Variants in UBE4B observed in about 807,000 individuals in gnomAD.
UBE4B encodes the protein ubiquitin conjugation factor E4 B.
Under a neutral mutation model 148.1 loss-of-function variants are expected in UBE4B, and 27 were observed. The observed-to-expected ratio is 0.18, with a 90% CI of 0.13 to 0.25. UBE4B has a LOEUF of 0.25. UBE4B is among the 10% of genes least tolerant of loss of function. The pLI, the probability that UBE4B is intolerant of heterozygous loss-of-function variation, is 1.00. For missense variants in UBE4B, 1,170 were observed against 1,662.4 expected (o/e 0.70, Z 5.15); for synonymous variants, 596 against 619.3 (o/e 0.96, Z 0.56).
At chr1:10,174,905 A>C (rs1192369729) in intron 25 of UBE4B, among the ~76,000 whole-genome samples, 1 of 152,042 alleles carries the variant, frequency 6.6e-6, no homozygotes, top group African/African-American at 2.4e-5. Flanking sequence ...AGAGGTTGTA[A>C]AATTGCATTT....
chr1:10,047,686 G>T (rs1197850683), intron 1 of UBE4B, among the ~76,000 whole-genome samples: 1 of 151,780 alleles, frequency 6.6e-6, no homozygotes, highest in Admixed American at 6.6e-5. Flanking sequence ...TAGAGATGGG[G>T]TTTCACCACG....
At chr1:10,035,553 C>A (rs1238274832) in intron 1 of UBE4B, among the ~76,000 whole-genome samples, 1 of 149,182 alleles carries the variant, frequency 6.7e-6, no homozygotes, top group Admixed American at 6.7e-5. Flanking sequence ...CCCGCCACCA[C>A]TCCCGGCTAG....
chr1:10,134,405 G>A (rs1449697879), intron 15 of UBE4B, among the ~76,000 whole-genome samples: 8 of 151,936 alleles, frequency 5.3e-5, no homozygotes, highest in South Asian at 2.1e-4. Context: ...CCAGCTACTC[G>A]GGAGGCTGAG....
chr1:10,108,984 G>C (rs1317044638), intron 7 of UBE4B, among the ~76,000 whole-genome samples: 1 of 152,124 alleles, frequency 6.6e-6, no homozygotes, highest in East Asian at 1.9e-4. Context: ...ATCAGATTGT[G>C]TGCTGCTTTT....
chr1:10,053,546 TGTGTAAGTTTGTTACATA>T (rs1389937320), intron 1 of UBE4B, among the ~76,000 whole-genome samples: 1 of 152,124 alleles, frequency 6.6e-6, no homozygotes, highest in Non-Finnish European at 1.5e-5. Context: ...ATGGGCTGGA[TGTGTAAGTTTGTTACATA>T]GGTAAGCGTG....
chr1:10,054,781 T>A, intron 1 of UBE4B: 1 of 147,108 alleles, frequency 6.8e-6, no homozygotes, highest in South Asian at 1.8e-4. Flanking sequence ...ATTATCTTTC[T>A]CCTTTTTTTT....
chr1:10,047,418 G>A (rs972976497), intron 1 of UBE4B, among the ~76,000 whole-genome samples: 1 of 151,716 alleles, frequency 6.6e-6, no homozygotes, highest in Non-Finnish European at 1.5e-5. Context: ...CCAGTCCTTA[G>A]GAAGGGACTC....
In UBE4B at chr1:10,168,766, C is replaced by A. The variant is rs1646293896; in HGVS notation, c.3333+496C>A. Among the ~76,000 whole-genome samples the A allele has an allele frequency of 6.6e-6, 1 of 151,928 alleles. No individual in the cohort carries two copies. Among genetic ancestry groups the A allele is most frequent in the South Asian group, 2.1e-4 (1 of 4,822 alleles). On this transcript the variant is annotated intron_variant, in intron 24 of 27. Transcript: ENST00000343090. The surrounding 1 kb of genome is among the most constrained non-coding windows in gnomAD (Gnocchi z 4.9). ...AATTAGCTGGGCGTGGTGGTGGGCACCTGTAGTCCCAGCTACTCAGGAGGC... is the reference window on the plus strand; with the variant it reads ...AATTAGCTGGGCGTGGTGGTGGGCAACTGTAGTCCCAGCTACTCAGGAGGC...
At chr1:10,165,418 T>G (rs761119919) in intron 23 of UBE4B, among the ~76,000 whole-genome samples, 20 of 152,174 alleles carry the variant, frequency 1.3e-4, no homozygotes, top group Non-Finnish European at 2.9e-4. Context: ...CTGCTTGGTC[T>G]TCAACCTCCA....
chr1:10,150,686 C>G (rs962717566), intron 20 of UBE4B, among the ~76,000 whole-genome samples: 13 of 151,630 alleles, frequency 8.6e-5, no homozygotes, highest in Non-Finnish European at 1.8e-4. Context: ...ATGGTGAAAC[C>G]CCATCTCTAC....
chr1:10,166,802 G>T (rs1381682119), intron 23 of UBE4B, among the ~76,000 whole-genome samples: 1 of 152,064 alleles, frequency 6.6e-6, no homozygotes, highest in Non-Finnish European at 1.5e-5. Context: ...GCACGCACGT[G>T]TAATCCCAGC....
chr1:10,053,687 C>T (rs1016559207), intron 1 of UBE4B, among the ~76,000 whole-genome samples: 5 of 147,180 alleles, frequency 3.4e-5, no homozygotes, highest in Non-Finnish European at 7.5e-5. Context: ...ATTTTGAAAA[C>T]TTTTTTTTTT....
chr1:10,118,080 T>A (rs1423635302), intron 8 of UBE4B, among the ~76,000 whole-genome samples: 1 of 152,204 alleles, frequency 6.6e-6, no homozygotes, highest in African/African-American at 2.4e-5. Context: ...AGAGATTAAG[T>A]ACTTGTCCAG....
intron 3 of UBE4B, among the ~76,000 whole-genome samples, chr1:10,099,708 A>G (rs913543866): frequency 2.0e-5 from 3 of 152,196 alleles, no homozygotes; most frequent in African/African-American, 7.2e-5. Flanking sequence ...GACCTAGCAG[A>G]TATCAAGATT....
chr1:10,145,391 A>C (rs1645852877), intron 18 of UBE4B: 1 of 157,042 alleles, frequency 6.4e-6, no homozygotes, highest in Admixed American at 6.4e-5. Context: ...AGGTCAGGAG[A>C]TGGAGACCAT....
intron 1 of UBE4B, among the ~76,000 whole-genome samples, chr1:10,053,205 G>T (rs1340683170): frequency 6.6e-6 from 1 of 151,980 alleles, no homozygotes; most frequent in Non-Finnish European, 1.5e-5. Context: ...CTGGAGTGCA[G>T]TGGCGCGATC....
intron 1 of UBE4B, among the ~76,000 whole-genome samples, chr1:10,070,139 T>C (rs1444958712): frequency 1.3e-5 from 2 of 151,830 alleles, no homozygotes; most frequent in East Asian, 3.9e-4. Flanking sequence ...GTGGGTGTGG[T>C]GGTGCATGCC....
chr1:10,040,241 C>T (rs765534470), intron 1 of UBE4B, among the ~76,000 whole-genome samples: 1 of 151,694 alleles, frequency 6.6e-6, no homozygotes, highest in Non-Finnish European at 1.5e-5. Context: ...TCTCCTGCCT[C>T]AGCCTTCCAA....
At position 10,033,455 on chromosome 1, in the gene UBE4B, T is replaced by G. The variant is rs752578791; in HGVS notation, c.-216T>G. The G allele has an allele frequency of 1.2e-5, 5 of 413,996 alleles. No homozygotes were observed. Among genetic ancestry groups the G allele is most frequent in the Admixed American group, 8.9e-5 (2 of 22,472 alleles). 25.6% of individuals were successfully genotyped at this position (413,996 alleles called of 1,614,324 possible). Reference sequence around the variant, plus strand: ...GGAGGCTGCTCAGGGAACAAGCGGCTGTAGTAGTCTGTGGGGCGACTGGAG... The same window carrying G: ...GGAGGCTGCTCAGGGAACAAGCGGCGGTAGTAGTCTGTGGGGCGACTGGAG... On this transcript the variant is annotated 5_prime_UTR_variant, in exon 1 of 28. Transcript: ENST00000343090.
Sources: gnomAD v4.1 joint callset for allele counts (sites outside exome capture counted in the v4.1 genomes callset) on GRCh38, gnomAD v4.1.1 for gene constraint, Gnocchi (gnomAD v3.1) non-coding constraint, MANE v1.5 for transcripts, NCBI Gene and HGNC (gene_info 2026-07-23, HGNC 2026-07-21) for gene names.